The following HAT1 variants were observed in gnomAD, a reference collection of about 807,000 sequenced individuals.
HAT1 encodes histone acetyltransferase 1, also known as histone acetyltransferase type B catalytic subunit.
In HAT1, 20 loss-of-function variants were observed where a neutral mutation model predicts 56.6. The observed-to-expected ratio is 0.35, with a 90% CI of 0.25 to 0.51. The LOEUF (loss-of-function observed/expected upper bound fraction) is 0.51. Ranked by LOEUF, HAT1 falls within the 20% of genes least tolerant of loss-of-function variation. HAT1 has a pLI of 0.95. For synonymous variants in HAT1, 146 were observed against 165.5 expected (o/e 0.88, Z 0.91); for missense variants, 408 against 504.3 (o/e 0.81, Z 1.83).
intron 6 of HAT1, 155 bp from the exon 7 acceptor site, chr2:171,966,254 G>A (rs1687680365): frequency 1.5e-6 from 1 of 649,668 alleles, no homozygotes; most frequent in Middle Eastern, 2.6e-4. Flanking sequence ...CCAATTAAGT[G>A]AATTGTACAT....
intron 2 of HAT1, among the ~76,000 whole-genome samples, chr2:171,940,062 G>A (rs942370736): frequency 3.9e-5 from 6 of 152,106 alleles, no homozygotes; most frequent in African/African-American, 1.4e-4. Flanking sequence ...GAACCACTGC[G>A]TCTGGCCAAG....
Position 171,965,606 on chromosome 2 carries a change from C to T in HAT1, c.489+89C>T, listed in dbSNP as rs866898490. ...TGTTGTCAGTGATTTATTCTAACTG[C>T]AGTAAACAAGTTTTAATCAGCATTA... On this transcript the variant is annotated intron_variant, in intron 5 of 10. Coordinates refer to ENST00000264108, the MANE Select transcript of HAT1 (RefSeq NM_003642.4). 67 of 999,056 alleles carry T rather than the reference C, an allele frequency of 6.7e-5. No individual in the cohort carries two copies. The Middle Eastern group carries it at 5.0e-3, about 74-fold the overall frequency. The allele number at this position is 999,056 out of a possible 1,614,324, so 61.9% of individuals were successfully genotyped here. A position where few individuals can be genotyped will look rare whatever the true frequency, so the allele number is the denominator to read the frequency against.
chr2:171,925,863 CGGTG>C (rs1342045281), intron 2 of HAT1, among the ~76,000 whole-genome samples: 1 of 151,872 alleles, frequency 6.6e-6, no homozygotes, highest in African/African-American at 2.4e-5. Flanking sequence ...AAAGGAAAGA[CGGTG>C]GGGCAAAAAG....
At chr2:171,929,121 G>A (rs993068843) in intron 2 of HAT1, among the ~76,000 whole-genome samples, 2 of 152,092 alleles carry the variant, frequency 1.3e-5, no homozygotes, top group African/African-American at 4.8e-5. Context: ...TAAAGTTTTA[G>A]GCATTCTACT....
intron 2 of HAT1, among the ~76,000 whole-genome samples, chr2:171,938,722 G>A (rs966425649): frequency 4.6e-5 from 7 of 152,120 alleles, no homozygotes; most frequent in Admixed American, 2.6e-4. Flanking sequence ...AGAACATAAG[G>A]AGATTTGAAG....
At chr2:171,979,593 A>G in intron 10 of HAT1, 1 of 354,056 alleles carries the variant, frequency 2.8e-6, no homozygotes, top group Admixed American at 4.3e-5. Context: ...GGATCACCTC[A>G]GGTCAGAAGT....
At chr2:171,939,783 A>G (rs1270754742) in intron 2 of HAT1, among the ~76,000 whole-genome samples, 1 of 151,200 alleles carries the variant, frequency 6.6e-6, no homozygotes, top group Non-Finnish European at 1.5e-5. Context: ...ATTTGGAAAC[A>G]ACTCCTTTTT....
At chr2:171,950,489 T>A (rs1285478821) in intron 3 of HAT1, among the ~76,000 whole-genome samples, 1 of 150,294 alleles carries the variant, frequency 6.7e-6, no homozygotes, top group Non-Finnish European at 1.5e-5. Flanking sequence ...CCATATTTAA[T>A]GTGTGGCTTT....
At chr2:171,954,765 T>A (rs142523536) in intron 4 of HAT1, among the ~76,000 whole-genome samples, 1 of 152,326 alleles carries the variant, frequency 6.6e-6, no homozygotes, top group African/African-American at 2.4e-5. Context: ...TGTCCTAATA[T>A]CTGGAACCTG....
chr2:171,953,057 G>T, intron 4 of HAT1, 56 bp downstream of exon 4: 1 of 1,321,868 alleles, frequency 7.6e-7, no homozygotes, highest in Admixed American at 2.0e-5. Flanking sequence ...TTTAAAATAG[G>T]TTTTAGGCCA....
At chr2:171,962,446 G>A (rs1687596440) in intron 4 of HAT1, among the ~76,000 whole-genome samples, 1 of 152,234 alleles carries the variant, frequency 6.6e-6, no homozygotes, top group Admixed American at 6.5e-5. Context: ...CCAGGCTGGA[G>A]TGCAGTGGCG....
chr2:171,932,117 T>A (rs1460742080), intron 2 of HAT1, among the ~76,000 whole-genome samples: 1 of 152,204 alleles, frequency 6.6e-6, no homozygotes, highest in Non-Finnish European at 1.5e-5. Flanking sequence ...TGAATTACAT[T>A]GATGAGGTTT....
intron 8 of HAT1, among the ~76,000 whole-genome samples, chr2:171,970,471 T>TA (rs1687785752): frequency 6.8e-6 from 1 of 146,092 alleles, no homozygotes; most frequent in Admixed American, 6.9e-5. Context: ...AATGTTAGTT[T>TA]AAATCAGTAT....
intron 10 of HAT1, chr2:171,979,780 C>T (rs1409659040): frequency 1.3e-5 from 2 of 154,542 alleles, no homozygotes; most frequent in Non-Finnish European, 2.8e-5. Context: ...GCACTCCAGC[C>T]TGGGTGACAA....
At chr2:171,981,230 T>G (rs1688126659) in intron 10 of HAT1, among the ~76,000 whole-genome samples, 1 of 152,048 alleles carries the variant, frequency 6.6e-6, no homozygotes, top group South Asian at 2.1e-4. Flanking sequence ...GCAGAATATT[T>G]AATTTATTCA....
intron 3 of HAT1, among the ~76,000 whole-genome samples, chr2:171,949,646 C>T (rs2105321944): frequency 6.6e-6 from 1 of 151,440 alleles, no homozygotes; most frequent in African/African-American, 2.4e-5. Context: ...TGCACTCCAG[C>T]CTGGGCAACA....
At chr2:171,974,210 A>AAAAAAAAAAAAAAAAT (rs1687905080) in intron 8 of HAT1, among the ~76,000 whole-genome samples, 1 of 72,694 alleles carries the variant, frequency 1.4e-5, no homozygotes, top group African/African-American at 4.0e-5. Context: ...AGAAAAAGAA[A>AAAAAAAAAAAAAAAAT]AAAAAAAAAA....
chr2:171,980,367 G>T (rs1020299870), intron 10 of HAT1: 1 of 151,460 alleles, frequency 6.6e-6, no homozygotes, highest in Non-Finnish European at 1.5e-5. Flanking sequence ...AGCCTTTATT[G>T]CTATTTATTA....
Position 171,983,343 on chromosome 2 carries a change from T to G in HAT1, c.1251T>G (p.Ala417=). The part of the protein sequence containing the change: ...EDYRRVIERL[A]QE ...ACCGGCGTGTTATTGAACGACTTGC[T>G]CAAGAGTAAAGATTATACTGCTCTG... The change falls in exon 11 of 11, where the codon GCT becomes GCG. Residue 417 remains alanine, a synonymous_variant. Transcript: ENST00000264108. The G allele has an allele frequency of 6.2e-7, 1 of 1,602,482 alleles. No individual in the cohort carries two copies. Among genetic ancestry groups the G allele is most frequent in the Non-Finnish European group, 8.5e-7 (1 of 1,172,064 alleles).
Sources: allele counts gnomAD v4.1 joint callset (sites outside exome capture counted in the v4.1 genomes callset), GRCh38; gene constraint gnomAD v4.1.1; transcripts MANE v1.5; gene names NCBI Gene and HGNC (gene_info 2026-07-23, HGNC 2026-07-21).